The following ITIH5 variants were observed in gnomAD, a reference collection of about 807,000 sequenced individuals.
ITIH5 encodes inter-alpha-trypsin inhibitor heavy chain 5.
ITIH5 carries 65 observed loss-of-function variants against 77.5 expected under a neutral mutation model. That is an observed-to-expected ratio of 0.84 (90% CI 0.69 to 1.03). The LOEUF (loss-of-function observed/expected upper bound fraction) is 1.03. ITIH5 is among the 50% of genes least tolerant of loss of function. The pLI, the probability that ITIH5 is intolerant of heterozygous loss-of-function variation, is 0.00. For synonymous variants in ITIH5, 525 were observed against 494.3 expected, an observed-to-expected ratio of 1.06 and a Z score of -0.82; for missense variants, 1,208 against 1,213.1, an observed-to-expected ratio of 1.00 and a Z score of 0.06.
chr10:7,641,831 A>C (rs966270978), intron 3 of ITIH5, 96 bp downstream of exon 3: 2 of 973,992 alleles, frequency 2.1e-6, no homozygotes, highest in Admixed American at 2.1e-5. Context: ...ACTGGAATAT[A>C]AATCCTCACA....
intron 8 of ITIH5, among the ~76,000 whole-genome samples, chr10:7,581,652 A>G (rs1008556659): frequency 6.6e-6 from 1 of 151,254 alleles, no homozygotes; most frequent in African/African-American, 2.4e-5. Context: ...ATTTTTCTGC[A>G]TGTATGTTAC....
intron 5 of ITIH5, among the ~76,000 whole-genome samples, chr10:7,626,881 T>G (rs1382067329): frequency 6.6e-6 from 1 of 152,242 alleles, no homozygotes; most frequent in Non-Finnish European, 1.5e-5. Flanking sequence ...TCTTAATCCC[T>G]GCTTCATAAC....
chr10:7,565,085 C>CACACATAGACTGTATATATATATAT (rs1564230783), intron 13 of ITIH5, among the ~76,000 whole-genome samples: 3 of 130,664 alleles, frequency 2.3e-5, no homozygotes, highest in African/African-American at 9.7e-5. Flanking sequence ...TATATATATA[C>CACACATAGACTGTATATATATATAT]ACACACACAC....
chr10:7,660,664 T>C (rs1246730923), intron 1 of ITIH5, among the ~76,000 whole-genome samples: 1 of 152,180 alleles, frequency 6.6e-6, no homozygotes, highest in African/African-American at 2.4e-5. Flanking sequence ...CACCGGAGCA[T>C]CAGATCATGA....
chr10:7,594,166 A>G (rs1162492290), intron 7 of ITIH5, among the ~76,000 whole-genome samples: 1 of 152,230 alleles, frequency 6.6e-6, no homozygotes, highest in Non-Finnish European at 1.5e-5. Context: ...GAGCCTGTCC[A>G]GAGGAAAAGG....
rs973231126 is a variant in ITIH5, at chr10:7,637,336, A to G, written c.544T>C (p.Ser182Pro). Reference sequence around the variant, plus strand: ...TTCACGTCCACGCTCAGCCTCCCGGACAGCTGCTGGGGCCGCACGCTGATG... The same window carrying G: ...TTCACGTCCACGCTCAGCCTCCCGGGCAGCTGCTGGGGCCGCACGCTGATG... ...HSISVRPQQLSGRLSVDVNIL... is the reference protein window; with the variant it reads ...HSISVRPQQLPGRLSVDVNIL... The change falls in exon 5 of 14, where the codon TCC becomes CCC. Residue 182 changes from serine to proline, a missense_variant. Coordinates refer to ENST00000397146, the MANE Select transcript of ITIH5 (RefSeq NM_030569.7). 8 of 1,613,974 alleles carry G rather than the reference A, an allele frequency of 5.0e-6. No homozygotes were observed. The highest frequency in any genetic ancestry group is 6.8e-6 in the Non-Finnish European group (8 of 1,180,034).
intron 1 of ITIH5, among the ~76,000 whole-genome samples, chr10:7,660,511 C>T (rs911644372): frequency 5.3e-5 from 8 of 152,290 alleles, no homozygotes; most frequent in East Asian, 1.9e-4. Context: ...GTGTCAGTAA[C>T]ATCATCAGAG....
intron 2 of ITIH5, among the ~76,000 whole-genome samples, chr10:7,643,868 G>A (rs61834799): frequency 0.027 from 4,126 of 152,316 alleles, 85 homozygotes; most frequent in Non-Finnish European, 0.042. Flanking sequence ...AAATGTTTGC[G>A]TGAAATCACG....
chr10:7,658,321 T>C (rs1834220683), intron 1 of ITIH5, among the ~76,000 whole-genome samples: 1 of 152,152 alleles, frequency 6.6e-6, no homozygotes, highest in African/African-American at 2.4e-5. Flanking sequence ...AATATATATA[T>C]ACATTGTAAG....
chr10:7,577,316 G>T (rs538687150), intron 9 of ITIH5, among the ~76,000 whole-genome samples: 28 of 152,298 alleles, frequency 1.8e-4, no homozygotes, highest in African/African-American at 6.7e-4. Context: ...CCACCCACTG[G>T]TTTCAGTTTT....
chr10:7,642,199 C>T (rs545476341), intron 2 of ITIH5, 109 bp from the exon 3 acceptor site: 2 of 837,540 alleles, frequency 2.4e-6, no homozygotes, highest in South Asian at 4.1e-5. Flanking sequence ...AGTTTGGGAG[C>T]CTTTGGCATG....
chr10:7,647,601 C>T (rs902078477), intron 2 of ITIH5, among the ~76,000 whole-genome samples: 4 of 152,292 alleles, frequency 2.6e-5, no homozygotes, highest in Non-Finnish European at 5.9e-5. Context: ...TGTCTAGTCT[C>T]TGTAGACATT....
rs550631013 is a variant in ITIH5, at chr10:7,586,610, C to T, written c.940-541G>A. On this transcript the variant is annotated intron_variant, in intron 7 of 13. Transcript: ENST00000397146. ...TTGCAGGAGGGTCTCCTTCATCTTC[C>T]TAACAGCTAGTGACAAGAAGGAGGT... 4.4e-4 allele frequency among the ~76,000 whole-genome samples: 67 copies of T among 152,260 alleles called. 1 individual carries two copies. Among genetic ancestry groups the T allele is most frequent in the African/African-American group, 1.5e-3 (63 of 41,552 alleles).
intron 8 of ITIH5, among the ~76,000 whole-genome samples, 162 bp downstream of exon 8, chr10:7,585,739 C>T (rs553324802): frequency 1.4e-4 from 21 of 151,822 alleles, no homozygotes; most frequent in African/African-American, 5.1e-4. Context: ...ATTTGGTATT[C>T]CGAGCAACCT....
At chr10:7,607,417 G>A (rs1355085725) in intron 7 of ITIH5, among the ~76,000 whole-genome samples, 1 of 152,188 alleles carries the variant, frequency 6.6e-6, no homozygotes, top group African/African-American at 2.4e-5. Flanking sequence ...AAGCCAAGGT[G>A]GGAGGATCGC....
chr10:7,653,519 G>A (rs992214854), intron 2 of ITIH5, among the ~76,000 whole-genome samples: 7 of 152,114 alleles, frequency 4.6e-5, no homozygotes, highest in African/African-American at 1.7e-4. Flanking sequence ...AATTTAAAAT[G>A]TATATGCAGT....
chr10:7,569,066 G>C (rs1474917512), intron 12 of ITIH5: 1 of 135,254 alleles, frequency 7.4e-6, no homozygotes, highest in Non-Finnish European at 1.5e-5. Flanking sequence ...ACCCAGGCTG[G>C]AGTGCAGTGG....
At chr10:7,612,009 A>C (rs1833255535) in intron 7 of ITIH5, among the ~76,000 whole-genome samples, 1 of 151,682 alleles carries the variant, frequency 6.6e-6, no homozygotes, top group Admixed American at 6.6e-5. Flanking sequence ...AACAGTTTTA[A>C]ATGTTATAAA....
chr10:7,638,174 A>G (rs965448462), intron 4 of ITIH5, among the ~76,000 whole-genome samples: 1 of 152,236 alleles, frequency 6.6e-6, no homozygotes, highest in Non-Finnish European at 1.5e-5. Context: ...GAGAGAACCC[A>G]ACTGTGTGGC....
Sources: gnomAD v4.1 joint callset for allele counts (sites outside exome capture counted in the v4.1 genomes callset) on GRCh38, gnomAD v4.1.1 for gene constraint, MANE v1.5 for transcripts, NCBI Gene and HGNC (gene_info 2026-07-23, HGNC 2026-07-21) for gene names.